MAF: variants seen among roughly 807,000 people sequenced by gnomAD.
MAF encodes MAF bZIP transcription factor.
Under a neutral mutation model 22.0 loss-of-function variants are expected in MAF, and 10 were observed. The ratio of observed to expected loss-of-function variants is 0.45; its 90% CI spans 0.28 to 0.77. MAF has a LOEUF of 0.77. Ranked by LOEUF, MAF falls within the 30% of genes least tolerant of loss-of-function variation. MAF has a pLI of 0.12. For missense variants in MAF, 544 were observed against 548.4 expected (o/e 0.99, Z 0.08); for synonymous variants, 337 against 255.8 (o/e 1.32, Z -3.03).
chr16:79,402,388 G>A, the MAF span, among the ~76,000 whole-genome samples: 7 of 152,204 alleles, frequency 4.6e-5, no homozygotes, highest in African/African-American at 1.7e-4. Context: ...GAGCAGGAAG[G>A]CCCCTGCTCT....
At chr16:79,525,389 G>A in the MAF span, among the ~76,000 whole-genome samples, 6 of 152,154 alleles carry the variant, frequency 3.9e-5, no homozygotes, top group Non-Finnish European at 8.8e-5. Flanking sequence ...TGCGCTCGGA[G>A]GGGACAGAGT....
the MAF span, among the ~76,000 whole-genome samples, chr16:79,327,300 T>C: frequency 8.5e-5 from 13 of 152,268 alleles, no homozygotes; most frequent in African/African-American, 2.9e-4. Flanking sequence ...CTTGTACACA[T>C]TCCCGTTTTC....
the MAF span, among the ~76,000 whole-genome samples, chr16:79,258,437 C>G: frequency 6.6e-6 from 1 of 152,198 alleles, no homozygotes; most frequent in Non-Finnish European, 1.5e-5. Flanking sequence ...CAGCACTGTT[C>G]CAGGGAGAGC....
At chr16:79,548,777 A>C in the MAF span, among the ~76,000 whole-genome samples, 1 of 152,294 alleles carries the variant, frequency 6.6e-6, no homozygotes, top group South Asian at 2.1e-4. Flanking sequence ...GCAAGACACT[A>C]CATAGAAAAA....
intron 1 of MAF, chr16:79,595,124 GAAA>G (rs377383083): frequency 2.0e-4 from 188 of 918,098 alleles, no homozygotes; most frequent in Middle Eastern, 1.0e-3. Flanking sequence ...TTGTGATGAG[GAAA>G]AAAAAAAAAA....
At chr16:79,546,298 A>AT in the MAF span, among the ~76,000 whole-genome samples, 45 of 150,824 alleles carry the variant, frequency 3.0e-4, no homozygotes, top group Admixed American at 4.6e-4. Flanking sequence ...CAATAAGAGA[A>AT]TTTTTTTTTT....
chr16:79,234,424 T>C, the MAF span, among the ~76,000 whole-genome samples: 8 of 152,184 alleles, frequency 5.3e-5, no homozygotes, highest in Admixed American at 1.3e-4. Context: ...AGAGTGTTCA[T>C]TGTCAATTTA....
At chr16:79,432,306 T>A in the MAF span, among the ~76,000 whole-genome samples, 1 of 152,188 alleles carries the variant, frequency 6.6e-6, no homozygotes, top group Non-Finnish European at 1.5e-5. Context: ...TGTGGGTCAA[T>A]GAGACCTCTT....
chr16:79,420,004 G>GC, the MAF span, among the ~76,000 whole-genome samples: 32 of 148,736 alleles, frequency 2.2e-4, no homozygotes, highest in African/African-American at 7.9e-4. Context: ...GTAACACACG[G>GC]TTTTTTTTTT....
the MAF span, among the ~76,000 whole-genome samples, chr16:79,419,720 C>T: frequency 6.6e-6 from 1 of 152,120 alleles, no homozygotes; most frequent in Admixed American, 6.5e-5. Context: ...CAGAAGAAAA[C>T]CTAGACCGAG....
At chr16:79,242,126 T>C in the MAF span, among the ~76,000 whole-genome samples, 11 of 151,988 alleles carry the variant, frequency 7.2e-5, no homozygotes, top group African/African-American at 2.7e-4. Flanking sequence ...ATGAAGAAAC[T>C]GCAGCAACTA....
At chr16:79,508,404 G>A in the MAF span, among the ~76,000 whole-genome samples, 1 of 152,032 alleles carries the variant, frequency 6.6e-6, no homozygotes, top group African/African-American at 2.4e-5. Flanking sequence ...TTTCTCCATG[G>A]GCCTCTCTCC....
the MAF span, among the ~76,000 whole-genome samples, chr16:79,547,908 G>GAGAGAGAC: frequency 1.4e-3 from 140 of 102,932 alleles, 1 homozygote; most frequent in Middle Eastern, 0.017. Flanking sequence ...GTGTGAGAGA[G>GAGAGAGAC]AGAGAGAGAG....
At chr16:79,212,731 T>C in the MAF span, 1 of 151,774 alleles carries the variant, frequency 6.6e-6, no homozygotes, top group African/African-American at 2.4e-5. Flanking sequence ...TTTCATTTTT[T>C]AGAAAAGAAA....
At chr16:79,275,957 C>G in the MAF span, among the ~76,000 whole-genome samples, 1 of 152,004 alleles carries the variant, frequency 6.6e-6, no homozygotes, top group African/African-American at 2.4e-5. Flanking sequence ...CTGGCTAACA[C>G]GGTGAAATCC....
At chr16:79,312,118 T>TTCATCA in the MAF span, among the ~76,000 whole-genome samples, 1 of 151,750 alleles carries the variant, frequency 6.6e-6, no homozygotes, top group Non-Finnish European at 1.5e-5. Context: ...TTCTACCCCC[T>TTCATCA]TCATCATCAT....
chr16:79,236,807 C>T, the MAF span, among the ~76,000 whole-genome samples: 4 of 151,880 alleles, frequency 2.6e-5, no homozygotes, highest in South Asian at 2.1e-4. Flanking sequence ...GAAAAGTGCA[C>T]GCCATCTCCG....
the MAF span, among the ~76,000 whole-genome samples, chr16:79,235,159 T>TTCCA: frequency 6.6e-6 from 1 of 152,062 alleles, no homozygotes; most frequent in African/African-American, 2.4e-5. Flanking sequence ...ACCGGGAAAG[T>TTCCA]GGCATATCCA....
chr16:79,218,219 G>A, the MAF span, among the ~76,000 whole-genome samples: 1 of 140,640 alleles, frequency 7.1e-6, no homozygotes, highest in African/African-American at 2.7e-5. Flanking sequence ...TTGGCTTCAT[G>A]CCCCCCCTTT....
Sources: allele counts gnomAD v4.1 joint callset (sites outside exome capture counted in the v4.1 genomes callset), GRCh38; gene constraint gnomAD v4.1.1; transcripts MANE v1.5; gene names NCBI Gene and HGNC (gene_info 2026-07-23, HGNC 2026-07-21).